The following SLC35F3 variants were observed in gnomAD, a reference collection of about 807,000 sequenced individuals.
SLC35F3 encodes the protein putative thiamine transporter SLC35F3.
SLC35F3 carries 25 observed loss-of-function variants against 49.9 expected under a neutral mutation model. The observed-to-expected ratio is 0.50, with a 90% CI of 0.37 to 0.70. The LOEUF (loss-of-function observed/expected upper bound fraction) is 0.70. SLC35F3 is among the 30% of genes least tolerant of loss of function. The probability of loss-of-function intolerance (pLI) is 0.00; values close to 1 mark genes in which losing one functional copy is unlikely to be tolerated. For missense variants in SLC35F3, 525 were observed against 639.8 expected, an observed-to-expected ratio of 0.82 and a Z score of 1.94; for synonymous variants, 275 against 265.4, an observed-to-expected ratio of 1.04 and a Z score of -0.35.
chr1:233,926,417 A>T (rs1662161394), intron 2 of SLC35F3, among the ~76,000 whole-genome samples: 1 of 152,168 alleles, frequency 6.6e-6, no homozygotes, highest in Non-Finnish European at 1.5e-5. Flanking sequence ...CTTCCACTTG[A>T]TTGAATCGGC....
intron 2 of SLC35F3, among the ~76,000 whole-genome samples, chr1:233,964,711 A>T (rs1355564014): frequency 6.6e-6 from 1 of 152,216 alleles, no homozygotes; most frequent in African/African-American, 2.4e-5. Flanking sequence ...CAGCAGAGAG[A>T]TGTGCAACAG....
At chr1:234,066,865 C>G (rs1270408389) in intron 2 of SLC35F3, among the ~76,000 whole-genome samples, 2 of 122,682 alleles carry the variant, frequency 1.6e-5, no homozygotes, top group African/African-American at 5.7e-5. Context: ...CACACACACA[C>G]ACACACACAC....
chr1:234,278,809 A>C (rs918132356), intron 3 of SLC35F3, among the ~76,000 whole-genome samples: 12 of 152,128 alleles, frequency 7.9e-5, no homozygotes, highest in African/African-American at 2.9e-4. Context: ...CTCTCTTACC[A>C]GGCCATTAAT....
At chr1:234,194,228 G>A (rs1666771725) in intron 2 of SLC35F3, among the ~76,000 whole-genome samples, 1 of 152,184 alleles carries the variant, frequency 6.6e-6, no homozygotes, top group Admixed American at 6.5e-5. Context: ...CAATCAATGA[G>A]TGGATAAACA....
In SLC35F3 at chr1:234,046,470, A is replaced by T. The variant is rs1343578126; in HGVS notation, c.283+140712A>T. The stretch of plus-strand genomic sequence containing the variant: ...TTTTCAATTGAATTGTCTTTTCTGT[A>T]TTGATTTGTAATTCTTTATATAGTC... On this transcript the variant is annotated intron_variant, in intron 2 of 7. Transcript: ENST00000366618. The surrounding 1 kb of genome is among the most constrained non-coding windows in gnomAD (Gnocchi z 4.4). Among the ~76,000 whole-genome samples, 1 of 151,980 alleles carries T rather than the reference A, an allele frequency of 6.6e-6. No individual in the cohort carries two copies. The highest frequency in any genetic ancestry group is 2.4e-5 in the African/African-American group (1 of 41,392).
At chr1:234,065,639 G>A (rs1664606044) in intron 2 of SLC35F3, among the ~76,000 whole-genome samples, 1 of 152,162 alleles carries the variant, frequency 6.6e-6, no homozygotes, top group South Asian at 2.1e-4. Flanking sequence ...AATAGATCAT[G>A]TCCCACTTTG....
chr1:233,969,134 C>T (rs1662951268), intron 2 of SLC35F3, among the ~76,000 whole-genome samples: 1 of 152,016 alleles, frequency 6.6e-6, no homozygotes, highest in South Asian at 2.1e-4. Context: ...CAAAATGTTG[C>T]CTAATTTTTC....
At position 234,184,749 on chromosome 1, in the gene SLC35F3, G is replaced by A. The variant is rs528074542; in HGVS notation, c.284-46668G>A. On this transcript the variant is annotated intron_variant, in intron 2 of 7. Coordinates refer to ENST00000366618, the MANE Select transcript of SLC35F3 (RefSeq NM_173508.4). ...CCGCAGGCCATGGTGGAGAATAGGTGAAAGAGCCCATGATGAATAACTATT... is the reference window on the plus strand; with the variant it reads ...CCGCAGGCCATGGTGGAGAATAGGTAAAAGAGCCCATGATGAATAACTATT... Among the ~76,000 whole-genome samples, 61 of 152,260 alleles carry A rather than the reference G, an allele frequency of 4.0e-4. No homozygotes were observed. The South Asian group carries it at 9.3e-3, about 23-fold the overall frequency.
At chr1:234,173,890 G>C (rs1666437865) in intron 2 of SLC35F3, among the ~76,000 whole-genome samples, 1 of 152,206 alleles carries the variant, frequency 6.6e-6, no homozygotes, top group Non-Finnish European at 1.5e-5. Context: ...AATCAGGTCT[G>C]AAAGTGAGAA....
chr1:234,168,849 A>T (rs1041417558), intron 2 of SLC35F3, among the ~76,000 whole-genome samples: 1 of 152,212 alleles, frequency 6.6e-6, no homozygotes, highest in Non-Finnish European at 1.5e-5. Flanking sequence ...AGCCCTGCCT[A>T]TTGGGAGCTG....
intron 2 of SLC35F3, among the ~76,000 whole-genome samples, chr1:234,071,657 A>G (rs950126757): frequency 1.3e-5 from 2 of 152,250 alleles, no homozygotes; most frequent in Admixed American, 6.5e-5. Context: ...ATTCAGATCT[A>G]TGAACATGCA....
Position 234,320,776 on chromosome 1 carries a change from G to T in SLC35F3, c.1237+589G>T, listed in dbSNP as rs1657597502. 6.6e-6 allele frequency among the ~76,000 whole-genome samples: 1 copy of T among 152,136 alleles called. No individual in the cohort carries two copies. Among genetic ancestry groups the T allele is most frequent in the Non-Finnish European group, 1.5e-5 (1 of 68,004 alleles). On this transcript the variant is annotated intron_variant, in intron 7 of 7. Coordinates refer to ENST00000366618, the MANE Select transcript of SLC35F3 (RefSeq NM_173508.4). The surrounding 1 kb of genome is among the most constrained non-coding windows in gnomAD (Gnocchi z 4.8). ...TTTTCCCCTGGGGACTCGTTGCCAA[G>T]GCACACAGTTGACAGCTCTTTCAGA...
intron 2 of SLC35F3, among the ~76,000 whole-genome samples, chr1:234,119,604 C>T (rs1041383988): frequency 3.3e-5 from 5 of 152,142 alleles, no homozygotes; most frequent in African/African-American, 1.2e-4. Context: ...CCTTTGTGAA[C>T]ACTTCATCTA....
intron 2 of SLC35F3, among the ~76,000 whole-genome samples, chr1:233,967,426 G>C (rs1396210919): frequency 6.6e-6 from 1 of 152,126 alleles, no homozygotes; most frequent in East Asian, 1.9e-4. Flanking sequence ...GATGAACTAT[G>C]ATGAATATAA....
At chr1:234,121,699 G>A (rs1458894085) in intron 2 of SLC35F3, among the ~76,000 whole-genome samples, 1 of 152,030 alleles carries the variant, frequency 6.6e-6, no homozygotes, top group African/African-American at 2.4e-5. Context: ...ATCTCCTAAT[G>A]CTATCCCTCC....
intron 2 of SLC35F3, among the ~76,000 whole-genome samples, chr1:234,130,271 A>G (rs1400728978): frequency 6.6e-6 from 1 of 152,206 alleles, no homozygotes; most frequent in Non-Finnish European, 1.5e-5. Context: ...TTTGTTCAAC[A>G]ATTGTTGCTA....
Position 234,231,613 on chromosome 1 carries a change from C to A in SLC35F3, c.480C>A (p.Phe160Leu). 1 of 1,614,218 alleles carries A rather than the reference C, an allele frequency of 6.2e-7. No individual in the cohort carries two copies. The highest frequency in any genetic ancestry group is 1.1e-5 in the South Asian group (1 of 91,086). ...CCACGCAGCTCGCCAAGCTGACCTT[C>A]AGGAAGTTCGACGCGCCCTTCACCC... ...AGSTQLAKLT[F>L]RKFDAPFTLT... The change falls in exon 3 of 8, where the codon TTC becomes TTA. Residue 160 changes from phenylalanine to leucine, a missense_variant. Coordinates refer to ENST00000366618, the MANE Select transcript of SLC35F3 (RefSeq NM_173508.4). This position sits in a 1 kb window ranked among gnomAD's most constrained non-coding sequence, Gnocchi z 5.4.
chr1:234,072,803 C>A (rs1558221606), intron 2 of SLC35F3, among the ~76,000 whole-genome samples: 1 of 152,162 alleles, frequency 6.6e-6, no homozygotes, highest in Non-Finnish European at 1.5e-5. Flanking sequence ...GGGCAAGGGT[C>A]CCCATCACAC....
chr1:234,248,280 T>C (rs1437977367), intron 3 of SLC35F3, among the ~76,000 whole-genome samples: 1 of 149,602 alleles, frequency 6.7e-6, no homozygotes, highest in Non-Finnish European at 1.5e-5. Context: ...AGTTGGCTGG[T>C]CCATTGTTTG....
Sources: allele counts gnomAD v4.1 joint callset (sites outside exome capture counted in the v4.1 genomes callset), GRCh38; gene constraint gnomAD v4.1.1; non-coding constraint Gnocchi (gnomAD v3.1); transcripts MANE v1.5; gene names NCBI Gene and HGNC (gene_info 2026-07-23, HGNC 2026-07-21).